TASP1: variants seen among roughly 807,000 people sequenced by gnomAD.
TASP1 encodes threonine aspartase 1.
A neutral mutation model predicts 56.6 loss-of-function variants in TASP1; 16 were observed. The ratio of observed to expected loss-of-function variants is 0.28; its 90% confidence interval spans 0.19 to 0.43. The LOEUF is 0.43. Among genes scored for constraint, TASP1 ranks in the 20% least tolerant of loss-of-function variants. The pLI, the probability that TASP1 is intolerant of heterozygous loss-of-function variation, is 1.00. For missense variants in TASP1, 393 were observed against 511.6 expected (o/e 0.77, Z 2.24); for synonymous variants, 179 against 184.2 (o/e 0.97, Z 0.23).
chr20:13,528,235 A>T (rs1323116379), intron 10 of TASP1, among the ~76,000 whole-genome samples, 198 bp downstream of exon 10: 1 of 151,242 alleles, frequency 6.6e-6, no homozygotes, highest in Non-Finnish European at 1.5e-5. Context: ...AAAAAAAAAA[A>T]AAAAAAAAAG....
At chr20:13,455,080 A>C (rs2043777992) in intron 11 of TASP1, among the ~76,000 whole-genome samples, 1 of 152,138 alleles carries the variant, frequency 6.6e-6, no homozygotes, top group Non-Finnish European at 1.5e-5. Context: ...AAAATAAGGA[A>C]CTGCAGGATC....
At chr20:13,118,097 A>C in the TASP1 span, among the ~76,000 whole-genome samples, 15 of 152,320 alleles carry the variant, frequency 9.8e-5, no homozygotes, top group South Asian at 1.4e-3. Context: ...CACAGAGAGA[A>C]TAATGTATAC....
the TASP1 span, among the ~76,000 whole-genome samples, chr20:13,316,879 CA>C: frequency 6.6e-6 from 1 of 151,696 alleles, no homozygotes; most frequent in African/African-American, 2.4e-5. Flanking sequence ...AGGTACAAAG[CA>C]AAAACATCCC....
chr20:13,128,016 G>A, the TASP1 span, among the ~76,000 whole-genome samples: 5 of 152,338 alleles, frequency 3.3e-5, no homozygotes, highest in African/African-American at 1.2e-4. Context: ...TCAACCCTGA[G>A]CAAGTTACTC....
chr20:13,363,865 T>A, the TASP1 span, among the ~76,000 whole-genome samples: 3 of 151,934 alleles, frequency 2.0e-5, no homozygotes, highest in Non-Finnish European at 4.4e-5. Context: ...GAAACAGTTT[T>A]GTTTTTTCCT....
At chr20:13,562,619 G>A (rs1334804602) in intron 7 of TASP1, among the ~76,000 whole-genome samples, 1 of 152,046 alleles carries the variant, frequency 6.6e-6, no homozygotes, top group Non-Finnish European at 1.5e-5. Context: ...GCTCATGCCT[G>A]TAATCCCAGC....
chr20:13,227,357 C>A, the TASP1 span, among the ~76,000 whole-genome samples: 1 of 151,584 alleles, frequency 6.6e-6, no homozygotes, highest in Admixed American at 6.6e-5. Flanking sequence ...GCACATGCCA[C>A]CATGCCTAGC....
chr20:13,594,918 T>C (rs928618879), intron 4 of TASP1, among the ~76,000 whole-genome samples: 2 of 151,844 alleles, frequency 1.3e-5, no homozygotes, highest in South Asian at 2.1e-4. Context: ...CCAAGACACA[T>C]AATTGTCAGA....
chr20:13,526,465 T>C (rs893930167), intron 10 of TASP1, among the ~76,000 whole-genome samples: 1 of 152,208 alleles, frequency 6.6e-6, no homozygotes, highest in African/African-American at 2.4e-5. Flanking sequence ...ACAGCCTAAT[T>C]TGTAAACATT....
the TASP1 span, among the ~76,000 whole-genome samples, chr20:13,285,487 A>T: frequency 1.3e-5 from 2 of 151,666 alleles, no homozygotes; most frequent in African/African-American, 4.9e-5. Flanking sequence ...CTGTATTGAG[A>T]TGGCTGGGGC....
the TASP1 span, among the ~76,000 whole-genome samples, chr20:13,132,057 A>G: frequency 6.6e-6 from 1 of 151,984 alleles, no homozygotes. Flanking sequence ...CTATCGGCAT[A>G]GCCCACTCCC....
the TASP1 span, among the ~76,000 whole-genome samples, chr20:13,198,777 T>C: frequency 6.6e-6 from 1 of 151,978 alleles, no homozygotes; most frequent in Non-Finnish European, 1.5e-5. Flanking sequence ...TTCTTTTCTT[T>C]TTCTTTCTTT....
chr20:13,383,986 G>C, the TASP1 span, among the ~76,000 whole-genome samples: 1 of 152,140 alleles, frequency 6.6e-6, no homozygotes, highest in African/African-American at 2.4e-5. Context: ...TAACAGGTTT[G>C]GGGGAAGAAC....
the TASP1 span, among the ~76,000 whole-genome samples, chr20:13,287,446 G>A: frequency 6.6e-6 from 1 of 152,166 alleles, no homozygotes; most frequent in Admixed American, 6.5e-5. Flanking sequence ...AAGGTAAGAT[G>A]TGGGTGGGGA....
the TASP1 span, among the ~76,000 whole-genome samples, chr20:13,119,389 C>A: frequency 6.6e-6 from 1 of 152,194 alleles, no homozygotes; most frequent in Admixed American, 6.5e-5. Flanking sequence ...CACCATGATT[C>A]TCTCTCATGC....
the TASP1 span, among the ~76,000 whole-genome samples, chr20:13,204,050 T>TAAGAC: frequency 6.6e-6 from 1 of 152,242 alleles, no homozygotes; most frequent in African/African-American, 2.4e-5. Flanking sequence ...AGTAATGTCA[T>TAAGAC]AAGACTTCTC....
At chr20:13,151,045 T>C in the TASP1 span, among the ~76,000 whole-genome samples, 4 of 152,224 alleles carry the variant, frequency 2.6e-5, no homozygotes, top group African/African-American at 9.6e-5. Context: ...TTTCTCTCAC[T>C]AGACTATAAG....
At chr20:13,553,747 GTTAA>G (rs1165116376) in intron 8 of TASP1, among the ~76,000 whole-genome samples, 3 of 152,198 alleles carry the variant, frequency 2.0e-5, no homozygotes, top group Non-Finnish European at 4.4e-5. Flanking sequence ...CAAGGGATAT[GTTAA>G]TTGTGGGGAA....
intron 10 of TASP1, among the ~76,000 whole-genome samples, chr20:13,521,387 A>G (rs1182991304): frequency 6.6e-6 from 1 of 152,182 alleles, no homozygotes; most frequent in Non-Finnish European, 1.5e-5. Context: ...ATGTCCAACA[A>G]TGATAGACTG....
Sources: allele counts gnomAD v4.1 joint callset (sites outside exome capture counted in the v4.1 genomes callset), GRCh38; gene constraint gnomAD v4.1.1; transcripts MANE v1.5; gene names NCBI Gene and HGNC (gene_info 2026-07-23, HGNC 2026-07-21).